DIP2C: variants seen among roughly 807,000 people sequenced by gnomAD.
DIP2C encodes the protein DIP2 acetate--CoA ligase C (putative), also known as disco-interacting protein 2 homolog C.
DIP2C carries 33 observed loss-of-function variants against 192.4 expected under a neutral mutation model. The observed-to-expected ratio is 0.17, with a 90% CI of 0.13 to 0.23. The LOEUF is 0.23. DIP2C is among the 10% of genes least tolerant of loss of function. DIP2C has a pLI of 1.00. For missense variants in DIP2C, 1,537 were observed against 2,110.1 expected (o/e 0.73, Z 5.32); for synonymous variants, 979 against 864.1 (o/e 1.13, Z -2.33).
chr10:620,917 A>G (rs1853809460), intron 1 of DIP2C, among the ~76,000 whole-genome samples: 1 of 152,238 alleles, frequency 6.6e-6, no homozygotes, highest in East Asian at 1.9e-4. Context: ...TGGAGTATCT[A>G]ACGGCTTAAC....
At chr10:414,392 T>G (rs1965400642) in intron 7 of DIP2C, among the ~76,000 whole-genome samples, 2 of 152,206 alleles carry the variant, frequency 1.3e-5, no homozygotes, top group African/African-American at 4.8e-5. Flanking sequence ...CTGCACACTG[T>G]GCCCAGAGGC....
rs549098649 is a variant in DIP2C at position 385,029 on chromosome 10, G to A, written c.1663-390C>T. On this transcript the variant is annotated intron_variant, in intron 14 of 36. Transcript: ENST00000280886. ...AGCAGCAGGTCTCAGAGAGTGCCAC[G>A]GACACCAGGCTGCACGGGCCCTGAG... Among the ~76,000 whole-genome samples the A allele has an allele frequency of 2.1e-3, 323 of 150,696 alleles. 4 individuals are homozygous for A. The highest frequency in any genetic ancestry group is 7.2e-3 in the African/African-American group (293 of 40,930).
Position 423,317 on chromosome 10 carries a change from G to C in DIP2C, c.395-284C>G, listed in dbSNP as rs541135079. Among the ~76,000 whole-genome samples, 20 of 152,294 alleles carry C rather than the reference G, an allele frequency of 1.3e-4. No homozygotes were observed. In the East Asian group the frequency reaches 3.5e-3, roughly 26 times the overall value. ...CCCATTTCCTCTACACAGCAGTTTG[G>C]GAAGAAACCAAGTGTTTGCTTGTGT... On this transcript the variant is annotated intron_variant, in intron 4 of 36. Coordinates refer to ENST00000280886, the MANE Select transcript of DIP2C (RefSeq NM_014974.3).
chr10:283,128 C>T (rs1383639552), intron 35 of DIP2C, 144 bp downstream of exon 35: 4 of 1,147,278 alleles, frequency 3.5e-6, no homozygotes, highest in South Asian at 1.5e-5. Flanking sequence ...CTCTTAAACT[C>T]GGTTCTTTTC....
At chr10:485,875 C>T (rs1843977054) in intron 2 of DIP2C, among the ~76,000 whole-genome samples, 2 of 152,234 alleles carry the variant, frequency 1.3e-5, no homozygotes, top group African/African-American at 4.8e-5. Context: ...GTGCTAGAAT[C>T]CCCATCTAAT....
chr10:324,850 C>CA (rs778285379), intron 31 of DIP2C: 2 of 488,674 alleles, frequency 4.1e-6, no homozygotes, highest in Non-Finnish European at 8.5e-6. Context: ...ACCAGCACGC[C>CA]AACTCTGTTC....
At chr10:514,675 T>C (rs762149448) in intron 1 of DIP2C, among the ~76,000 whole-genome samples, 1 of 152,294 alleles carries the variant, frequency 6.6e-6, no homozygotes, top group South Asian at 2.1e-4. Flanking sequence ...GCCAACACCG[T>C]ATTTCCTCAT....
chr10:551,608 T>G (rs1181016072), intron 1 of DIP2C, among the ~76,000 whole-genome samples: 1 of 152,102 alleles, frequency 6.6e-6, no homozygotes, highest in Non-Finnish European at 1.5e-5. Flanking sequence ...TTCCCTGGGC[T>G]CAGAGAAAGG....
intron 9 of DIP2C, among the ~76,000 whole-genome samples, chr10:400,323 CCAGT>C (rs1270961055): frequency 1.3e-5 from 2 of 151,582 alleles, no homozygotes; most frequent in Non-Finnish European, 2.9e-5. Flanking sequence ...TGTTGCCTGG[CCAGT>C]ATGTTTTCTG....
At position 359,075 on chromosome 10, in the gene DIP2C, G is replaced by A. The variant is rs1009378666; in HGVS notation, c.2795-1138C>T. On this transcript the variant is annotated intron_variant, in intron 22 of 36. Transcript: ENST00000280886. Reference sequence around the variant, plus strand: ...ATGGCTAAGCAGGTTGCTCATAGCCGTGTCAAAAACAGACACACGTGCCCA... The same window carrying A: ...ATGGCTAAGCAGGTTGCTCATAGCCATGTCAAAAACAGACACACGTGCCCA... Among the ~76,000 whole-genome samples, 8 of 152,090 alleles carry A rather than the reference G, an allele frequency of 5.3e-5. No individual in the cohort carries two copies. In the East Asian group the frequency reaches 5.8e-4, roughly 11 times the overall value.
In DIP2C at chr10:414,739, G is replaced by GTGTGTGTATA; in HGVS notation, c.860-630_860-629insTATACACACA. On this transcript the variant is annotated intron_variant, in intron 7 of 36. Transcript: ENST00000280886. ...TGTGTGTGTGTGTGTGTGTGTGTGT[G>GTGTGTGTATA]TACATATATATATATATAATGTGTA... is the stretch of plus-strand genomic sequence containing the variant. Among the ~76,000 whole-genome samples the GTGTGTGTATA allele has an allele frequency of 2.7e-3, 240 of 90,530 alleles. 12 individuals carry two copies. The highest frequency in any genetic ancestry group is 9.4e-3 in the East Asian group (27 of 2,860). The allele number at this position is 90,530 out of a possible 152,430, so 59.4% of individuals were successfully genotyped here.
chr10:551,123 CTG>C (rs1848563075), intron 1 of DIP2C, among the ~76,000 whole-genome samples: 1 of 152,242 alleles, frequency 6.6e-6, no homozygotes, highest in South Asian at 2.1e-4. Context: ...TCACTAGACA[CTG>C]TGGCTCTGGT....
intron 1 of DIP2C, among the ~76,000 whole-genome samples, chr10:535,421 G>A (rs546093131): frequency 1.1e-4 from 16 of 152,102 alleles, no homozygotes; most frequent in South Asian, 2.1e-4. Context: ...AATCATCCAC[G>A]TCTAGTACTC....
intron 1 of DIP2C, among the ~76,000 whole-genome samples, chr10:525,467 G>C (rs1302418078): frequency 5.9e-5 from 9 of 152,214 alleles, no homozygotes; most frequent in African/African-American, 2.2e-4. Flanking sequence ...CAACAGCAAA[G>C]TCTACGGCAC....
At chr10:316,672 G>A (rs760981005) in intron 31 of DIP2C, among the ~76,000 whole-genome samples, 4 of 152,166 alleles carry the variant, frequency 2.6e-5, no homozygotes, top group Admixed American at 1.3e-4. Flanking sequence ...GGGAGCCAGC[G>A]GCTTTCCTGC....
At chr10:431,415 T>C (rs1178114358) in intron 4 of DIP2C, among the ~76,000 whole-genome samples, 1 of 152,236 alleles carries the variant, frequency 6.6e-6, no homozygotes, top group African/African-American at 2.4e-5. Flanking sequence ...TATGCCTGAG[T>C]ATTCCATTTT....
At chr10:393,792 A>AAAG (rs1554841490) in intron 10 of DIP2C, among the ~76,000 whole-genome samples, 1 of 134,932 alleles carries the variant, frequency 7.4e-6, no homozygotes, top group African/African-American at 2.7e-5. Context: ...AAAAAAAAAA[A>AAAG]AAAAGAAAAA....
chr10:361,403 G>A (rs543061796), intron 22 of DIP2C, among the ~76,000 whole-genome samples: 20 of 152,166 alleles, frequency 1.3e-4, no homozygotes, highest in South Asian at 8.3e-4. Flanking sequence ...GCTCTCTCTC[G>A]CCTGGGTTTT....
intron 1 of DIP2C, among the ~76,000 whole-genome samples, chr10:533,270 C>T (rs967617847): frequency 2.0e-5 from 3 of 152,116 alleles, no homozygotes; most frequent in Admixed American, 6.5e-5. Flanking sequence ...TTAGAATCAT[C>T]ACCACCAACA....
Sources: allele counts gnomAD v4.1 joint callset (sites outside exome capture counted in the v4.1 genomes callset), GRCh38; gene constraint gnomAD v4.1.1; transcripts MANE v1.5; gene names NCBI Gene and HGNC (gene_info 2026-07-23, HGNC 2026-07-21).